The following IGSF21 variants were observed in gnomAD, a reference collection of about 807,000 sequenced individuals.
IGSF21 encodes immunoglobin superfamily member 21.
IGSF21 carries 28 observed loss-of-function variants against 46.8 expected under a neutral mutation model. That is an observed-to-expected ratio of 0.60 (90% CI 0.44 to 0.82). The LOEUF is 0.82. Among genes scored for constraint, IGSF21 ranks in the 40% least tolerant of loss-of-function variants. IGSF21 has a pLI of 0.00. For synonymous variants in IGSF21, 284 were observed against 273.6 expected, an observed-to-expected ratio of 1.04 and a Z score of -0.38; for missense variants, 624 against 665.5, an observed-to-expected ratio of 0.94 and a Z score of 0.69.
intron 1 of IGSF21, among the ~76,000 whole-genome samples, chr1:18,125,891 T>C (rs1289381232): frequency 6.6e-6 from 1 of 152,166 alleles, no homozygotes; most frequent in East Asian, 1.9e-4. Flanking sequence ...GCGCAGGCCT[T>C]GGGGCTGCCA....
chr1:18,344,564 T>C (rs1156653149), intron 4 of IGSF21, among the ~76,000 whole-genome samples: 1 of 151,992 alleles, frequency 6.6e-6, no homozygotes, highest in African/African-American at 2.4e-5. Context: ...AAAGCAGAGT[T>C]CAGTTTGCAG....
At chr1:18,345,486 G>T (rs2085883477) in intron 4 of IGSF21, among the ~76,000 whole-genome samples, 1 of 152,162 alleles carries the variant, frequency 6.6e-6, no homozygotes, top group Non-Finnish European at 1.5e-5. Flanking sequence ...CTGAGTTCAA[G>T]TCATCCTTGT....
chr1:18,144,258 A>AC (rs1414304854), intron 1 of IGSF21, among the ~76,000 whole-genome samples: 1 of 151,994 alleles, frequency 6.6e-6, no homozygotes, highest in Non-Finnish European at 1.5e-5. Context: ...ACAGAGCAGC[A>AC]CCTTGGTAAG....
chr1:18,196,569 A>G (rs2087011414), intron 1 of IGSF21, among the ~76,000 whole-genome samples: 1 of 152,206 alleles, frequency 6.6e-6, no homozygotes, highest in African/African-American at 2.4e-5. Flanking sequence ...CTGAAAAATT[A>G]TCCGTGTCAA....
At chr1:18,161,028 T>C (rs2086616097) in intron 1 of IGSF21, among the ~76,000 whole-genome samples, 1 of 152,172 alleles carries the variant, frequency 6.6e-6, no homozygotes, top group Non-Finnish European at 1.5e-5. Flanking sequence ...TTTAGGCCTC[T>C]GTTCCTGCTG....
chr1:18,182,674 G>A (rs1385642386), intron 1 of IGSF21, among the ~76,000 whole-genome samples: 1 of 152,212 alleles, frequency 6.6e-6, no homozygotes, highest in Non-Finnish European at 1.5e-5. Context: ...ATGCATGGAT[G>A]AATGAATGAA....
chr1:18,279,857 C>T (rs1230931984), intron 2 of IGSF21, among the ~76,000 whole-genome samples: 2 of 152,248 alleles, frequency 1.3e-5, no homozygotes, highest in Non-Finnish European at 2.9e-5. Flanking sequence ...CTGGCGCAGG[C>T]CACTGATCTG....
rs1422430124 is a variant in IGSF21, at chr1:18,107,816, G to C, written c.-313G>C. ...AGAGCGCGATTCGGCTCCAAACTCC[G>C]GCGCTGCAGCCGATCGGACTCTGGG... On this transcript the variant is annotated 5_prime_UTR_variant, in exon 1 of 10. Transcript: ENST00000251296. 1 of 155,188 alleles carries C rather than the reference G, an allele frequency of 6.4e-6. No individual in the cohort carries two copies. 9.6% of individuals were successfully genotyped at this position (155,188 alleles called of 1,614,324 possible).
At chr1:18,249,379 G>A (rs1316779509) in intron 2 of IGSF21, among the ~76,000 whole-genome samples, 2 of 152,142 alleles carry the variant, frequency 1.3e-5, no homozygotes, top group Admixed American at 6.5e-5. Flanking sequence ...ATGGGCAATA[G>A]GTGGGTGGCC....
chr1:18,287,418 A>C lies in IGSF21; in HGVS notation c.184-4448A>C, dbSNP rs554513094. The stretch of plus-strand genomic sequence containing the variant: ...TCAAACAAACAAACAAACAAACAAA[A>C]CAAAAAAAAAATCCACCCATCCTCA... On this transcript the variant is annotated intron_variant, in intron 2 of 9. Coordinates refer to ENST00000251296, the MANE Select transcript of IGSF21 (RefSeq NM_032880.5). Among the ~76,000 whole-genome samples the C allele has an allele frequency of 5.7e-3, 870 of 151,786 alleles. 10 individuals carry two copies. Among genetic ancestry groups the C allele is most frequent in the African/African-American group, 0.019 (776 of 41,358 alleles).
At chr1:18,133,798 G>C (rs2086344298) in intron 1 of IGSF21, among the ~76,000 whole-genome samples, 3 of 152,262 alleles carry the variant, frequency 2.0e-5, no homozygotes, top group Admixed American at 6.5e-5. Flanking sequence ...TCCGGTGGGG[G>C]GCTTTGTTGG....
intron 1 of IGSF21, among the ~76,000 whole-genome samples, chr1:18,199,220 C>T (rs180725518): frequency 1.3e-3 from 194 of 152,168 alleles, no homozygotes; most frequent in South Asian, 7.1e-3. Context: ...CCATCAGTGG[C>T]GTGCCCTGAG....
At chr1:18,197,376 TA>T (rs563444115) in intron 1 of IGSF21, among the ~76,000 whole-genome samples, 47 of 152,348 alleles carry the variant, frequency 3.1e-4, no homozygotes, top group African/African-American at 1.1e-3. Context: ...CCTCGGATTC[TA>T]GGTCTCCATC....
intron 2 of IGSF21, among the ~76,000 whole-genome samples, chr1:18,276,570 G>C (rs1013931532): frequency 6.6e-6 from 1 of 152,080 alleles, no homozygotes; most frequent in Non-Finnish European, 1.5e-5. Flanking sequence ...CCCGACCCCC[G>C]CCATCTCTAA....
At chr1:18,192,465 G>A (rs1178195663) in intron 1 of IGSF21, among the ~76,000 whole-genome samples, 1 of 152,248 alleles carries the variant, frequency 6.6e-6, no homozygotes, top group Non-Finnish European at 1.5e-5. Flanking sequence ...GAGGGTGCCT[G>A]AGGCACAGTT....
chr1:18,281,430 G>C (rs1227340211), intron 2 of IGSF21, among the ~76,000 whole-genome samples: 1 of 152,098 alleles, frequency 6.6e-6, no homozygotes, highest in Admixed American at 6.5e-5. Flanking sequence ...GCCAGTCGTG[G>C]TGGTGGGCAC....
intron 3 of IGSF21, among the ~76,000 whole-genome samples, chr1:18,324,452 G>T (rs1264479130): frequency 6.6e-6 from 1 of 152,160 alleles, no homozygotes; most frequent in East Asian, 1.9e-4. Context: ...CGCCTGCAGG[G>T]GGCGGTCATG....
At chr1:18,239,641 C>T (rs915146212) in intron 2 of IGSF21, among the ~76,000 whole-genome samples, 2 of 152,168 alleles carry the variant, frequency 1.3e-5, no homozygotes, top group Non-Finnish European at 2.9e-5. Context: ...AATGTGCCAA[C>T]GTTCTTTCCC....
At chr1:18,122,781 C>T (rs1383007614) in intron 1 of IGSF21, among the ~76,000 whole-genome samples, 1 of 152,008 alleles carries the variant, frequency 6.6e-6, no homozygotes, top group Admixed American at 6.6e-5. Flanking sequence ...CCACCACGCC[C>T]CAGCTAATTT....
Sources: gnomAD v4.1 joint callset for allele counts (sites outside exome capture counted in the v4.1 genomes callset) on GRCh38, gnomAD v4.1.1 for gene constraint, MANE v1.5 for transcripts, NCBI Gene and HGNC (gene_info 2026-07-23, HGNC 2026-07-21) for gene names.